AKT3: variants seen among roughly 807,000 people sequenced by gnomAD.
AKT3 encodes the protein AKT serine/threonine kinase 3.
Under a neutral mutation model 65.3 loss-of-function variants are expected in AKT3, and 15 were observed. The ratio of observed to expected loss-of-function variants is 0.23; its 90% CI spans 0.15 to 0.35. The LOEUF is 0.35. Ranked by LOEUF, AKT3 falls within the 10% of genes least tolerant of loss-of-function variation. AKT3 has a pLI of 1.00. For synonymous variants in AKT3, 206 were observed against 183.8 expected, an observed-to-expected ratio of 1.12 and a Z score of -0.98; for missense variants, 243 against 576.5, an observed-to-expected ratio of 0.42 and a Z score of 5.92.
chr1:243,515,818 G>T (rs759705187), intron 12 of AKT3, among the ~76,000 whole-genome samples: 1 of 152,034 alleles, frequency 6.6e-6, no homozygotes, highest in African/African-American at 2.4e-5. Context: ...GGAAACCCCC[G>T]TCTCTACTAA....
At chr1:243,817,982 C>A (rs746737984) in intron 2 of AKT3, 47 of 152,170 alleles carry the variant, frequency 3.1e-4, no homozygotes, top group Non-Finnish European at 6.3e-4. Context: ...TCTTAACAAT[C>A]CCACTTAGGT....
chr1:243,681,147 C>A (rs541216665), intron 3 of AKT3, among the ~76,000 whole-genome samples: 6 of 152,248 alleles, frequency 3.9e-5, no homozygotes, highest in Admixed American at 2.6e-4. Flanking sequence ...ATTCCATGAA[C>A]CTAGTTTCTC....
intron 6 of AKT3, among the ~76,000 whole-genome samples, chr1:243,634,599 A>G (rs187714727): frequency 7.2e-4 from 109 of 152,108 alleles, no homozygotes; most frequent in African/African-American, 2.4e-3. Context: ...AAACCATGAA[A>G]AGCAAAACTG....
intron 2 of AKT3, among the ~76,000 whole-genome samples, chr1:243,718,723 T>C (rs1330877325): frequency 6.6e-6 from 1 of 152,060 alleles, no homozygotes; most frequent in Non-Finnish European, 1.5e-5. Context: ...TCTGCCCGCC[T>C]CGGCCTCCCA....
intron 8 of AKT3, among the ~76,000 whole-genome samples, chr1:243,583,231 A>G (rs528185802): frequency 8.3e-4 from 122 of 147,046 alleles, no homozygotes; most frequent in Middle Eastern, 3.2e-3. Flanking sequence ...TTCCATATAT[A>G]TATCTCACAT....
intron 12 of AKT3, among the ~76,000 whole-genome samples, chr1:243,517,937 T>C (rs2148378473): frequency 6.6e-6 from 1 of 152,352 alleles, no homozygotes; most frequent in Middle Eastern, 3.4e-3. Context: ...CAACAATATT[T>C]GCGGAATAAA....
At chr1:243,646,360 A>AC (rs1032068190) in intron 4 of AKT3, among the ~76,000 whole-genome samples, 2 of 148,734 alleles carry the variant, frequency 1.3e-5, no homozygotes, top group African/African-American at 4.9e-5. Flanking sequence ...TATATATCCT[A>AC]CTTTTTTTTT....
rs148670516 is a variant in AKT3, at chr1:243,620,286, C to T, written c.562-5125G>A. Among the ~76,000 whole-genome samples, 824 of 98,492 alleles carry T rather than the reference C, an allele frequency of 8.4e-3. 135 individuals carry two copies. The highest frequency in any genetic ancestry group is 0.02 in the African/African-American group (776 of 38,304). The allele number at this position is 98,492 out of a possible 152,430, so 64.6% of individuals were successfully genotyped here. A position where few individuals can be genotyped will look rare whatever the true frequency, so the allele number is the denominator to read the frequency against. On this transcript the variant is annotated intron_variant, in intron 6 of 13. Coordinates refer to ENST00000673466, the MANE Select transcript of AKT3 (RefSeq NM_005465.7). ...GACTGTAAGTTTCCTGAAGCCTCCC[C>T]AGCCATGCAGAACTGTGAGTCAATT...
At chr1:243,665,381 T>A (rs1026378308) in intron 3 of AKT3, among the ~76,000 whole-genome samples, 5 of 152,214 alleles carry the variant, frequency 3.3e-5, no homozygotes, top group Non-Finnish European at 5.9e-5. Context: ...ACAGTATTAC[T>A]TATCATTTTA....
intron 2 of AKT3, among the ~76,000 whole-genome samples, chr1:243,818,531 T>TA (rs1693665864): frequency 6.6e-6 from 1 of 152,100 alleles, no homozygotes; most frequent in Non-Finnish European, 1.5e-5. Context: ...TATAAGGCAA[T>TA]AACACTTTTT....
At chr1:243,757,821 C>T (rs1284683477) in intron 2 of AKT3, among the ~76,000 whole-genome samples, 2 of 150,424 alleles carry the variant, frequency 1.3e-5, no homozygotes, top group Admixed American at 6.6e-5. Context: ...AGTATAGTGG[C>T]GCAATCTCGG....
chr1:243,823,185 T>G (rs1051274372), intron 2 of AKT3, among the ~76,000 whole-genome samples: 1 of 152,042 alleles, frequency 6.6e-6, no homozygotes, highest in African/African-American at 2.4e-5. Flanking sequence ...AACCACATGA[T>G]TATCTCAAAA....
At chr1:243,555,804 C>G (rs1673367657) in intron 10 of AKT3, among the ~76,000 whole-genome samples, 3 of 152,056 alleles carry the variant, frequency 2.0e-5, no homozygotes, top group Admixed American at 6.6e-5. Flanking sequence ...CTGAAAAAAT[C>G]CAGTGAAAGA....
intron 2 of AKT3, among the ~76,000 whole-genome samples, chr1:243,737,262 T>C (rs1572253287): frequency 2.6e-5 from 4 of 152,170 alleles, no homozygotes; most frequent in South Asian, 4.1e-4. Flanking sequence ...ATGGGGGTGA[T>C]AGCGCTTTCC....
At chr1:243,552,623 C>A in intron 11 of AKT3, 106 bp downstream of exon 11, 1 of 1,029,258 alleles carries the variant, frequency 9.7e-7, no homozygotes, top group South Asian at 1.5e-5. Flanking sequence ...AAGATGTCTA[C>A]ACCAAATACA....
intron 2 of AKT3, among the ~76,000 whole-genome samples, chr1:243,771,203 A>AAAAAGG (rs1690164445): frequency 1.3e-5 from 2 of 152,292 alleles, no homozygotes; most frequent in South Asian, 2.1e-4. Flanking sequence ...AGAGTCCCTC[A>AAAAAGG]AATGCAGTTA....
intron 2 of AKT3, among the ~76,000 whole-genome samples, chr1:243,725,613 A>C (rs1464787555): frequency 2.6e-5 from 4 of 152,194 alleles, no homozygotes; most frequent in African/African-American, 9.7e-5. Flanking sequence ...AACCACAGAA[A>C]TAAGGTCCTT....
rs889521166 is a variant in AKT3 at position 243,843,110 on chromosome 1, T to C, written c.46+15A>G. 2 of 1,613,542 alleles carry C rather than the reference T, an allele frequency of 1.2e-6. No individual in the cohort carries two copies. Among genetic ancestry groups the C allele is most frequent in the South Asian group, 1.1e-5 (1 of 90,940 alleles). On this transcript the variant is annotated intron_variant, in intron 2 of 13. Coordinates refer to ENST00000673466, the MANE Select transcript of AKT3 (RefSeq NM_005465.7). ...TCTTACCAACCGTATTATTTTTGGT[T>C]TGCGGAGCACTTACCCCTCTTCTGA... is the stretch of plus-strand genomic sequence containing the variant.
chr1:243,654,986 A>G (rs1681653197), intron 4 of AKT3, among the ~76,000 whole-genome samples: 1 of 152,102 alleles, frequency 6.6e-6, no homozygotes, highest in South Asian at 2.1e-4. Flanking sequence ...TATTTTTTAA[A>G]AAATTTCAAT....
Sources: allele counts gnomAD v4.1 joint callset (sites outside exome capture counted in the v4.1 genomes callset), GRCh38; gene constraint gnomAD v4.1.1; transcripts MANE v1.5; gene names NCBI Gene and HGNC (gene_info 2026-07-23, HGNC 2026-07-21).